ATP10D: variants seen among roughly 807,000 people sequenced by gnomAD.
The protein encoded by ATP10D is phospholipid-transporting ATPase VD.
ATP10D carries 89 observed loss-of-function variants against 144.8 expected under a neutral mutation model. The ratio of observed to expected loss-of-function variants is 0.61; its 90% confidence interval spans 0.52 to 0.73. The LOEUF (loss-of-function observed/expected upper bound fraction) is 0.73. Among genes scored for constraint, ATP10D ranks in the 30% least tolerant of loss-of-function variants. The probability of loss-of-function intolerance (pLI) is 0.00; values close to 1 mark genes in which losing one functional copy is unlikely to be tolerated. For synonymous variants in ATP10D, 571 were observed against 615.1 expected (o/e 0.93, Z 1.06); for missense variants, 1,603 against 1,714.8 (o/e 0.93, Z 1.15).
At chr4:47,513,956 C>G (rs934742023) in intron 2 of ATP10D, among the ~76,000 whole-genome samples, 2 of 152,124 alleles carry the variant, frequency 1.3e-5, no homozygotes, top group African/African-American at 2.4e-5. Flanking sequence ...AGGGTGATCT[C>G]TTACAGATAC....
intron 20 of ATP10D, 64 bp from the exon 21 acceptor site, chr4:47,581,896 A>C: frequency 7.7e-7 from 1 of 1,300,540 alleles, no homozygotes; most frequent in Non-Finnish European, 1.1e-6. Flanking sequence ...GCTGTAGATA[A>C]AGTGATGTTA....
chr4:47,514,983 T>G (rs1005308541), intron 2 of ATP10D, among the ~76,000 whole-genome samples: 30 of 152,216 alleles, frequency 2.0e-4, no homozygotes, highest in African/African-American at 4.6e-4. Context: ...ATTATTTATT[T>G]ATTGATTGAT....
chr4:47,491,780 T>C (rs889045357), intron 1 of ATP10D, among the ~76,000 whole-genome samples: 23 of 152,210 alleles, frequency 1.5e-4, no homozygotes, highest in African/African-American at 5.5e-4. Context: ...CAGGCTCACT[T>C]ATAATACCTT....
At chr4:47,505,891 T>C (rs746551139) in intron 1 of ATP10D, among the ~76,000 whole-genome samples, 1 of 152,182 alleles carries the variant, frequency 6.6e-6, no homozygotes, top group African/African-American at 2.4e-5. Context: ...TTCAAACTGT[T>C]GGCTGGTGAT....
At chr4:47,570,539 C>A (rs1719896933) in intron 16 of ATP10D, among the ~76,000 whole-genome samples, 1 of 152,138 alleles carries the variant, frequency 6.6e-6, no homozygotes, top group Admixed American at 6.5e-5. Context: ...TACAGTGGCT[C>A]ACGCCTGTAA....
In ATP10D at chr4:47,593,072, C is replaced by T. The variant is rs1458052993; in HGVS notation, c.*1691C>T. On this transcript the variant is annotated 3_prime_UTR_variant, in exon 23 of 23. Transcript: ENST00000273859. ...GCTGGCATTCATTCCCTGAAATCGTCGTCTCCTGATAAACAATAATTTAGA... is the reference window on the plus strand; with the variant it reads ...GCTGGCATTCATTCCCTGAAATCGTTGTCTCCTGATAAACAATAATTTAGA... The T allele has an allele frequency of 5.3e-5, 8 of 152,064 alleles. No individual in the cohort carries two copies. Among genetic ancestry groups the T allele is most frequent in the African/African-American group, 1.9e-4 (8 of 41,504 alleles). The allele number at this position is 152,064 out of a possible 1,614,324, so 9.4% of individuals were successfully genotyped here.
chr4:47,561,045 A>G lies in ATP10D; in HGVS notation c.2638A>G (p.Met880Val). ...GGAAGAATTACTACTTGAATCTGCC[A>G]TGAGGTTGGAGAACAAACTTACATT... The part of the protein sequence containing the change: ...NREELLLESA[M>V]RLENKLTLLG... Residue 880 changes from methionine to valine, a missense_variant, in exon 14 of 23, where the codon ATG (methionine) becomes GTG (valine). Met to Val is a conservative substitution (Grantham distance 21). Coordinates refer to ENST00000273859, the MANE Select transcript of ATP10D (RefSeq NM_020453.4). 1 of 1,614,224 alleles carries G rather than the reference A, an allele frequency of 6.2e-7. No homozygotes were observed. The highest frequency in any genetic ancestry group is 1.3e-5 in the African/African-American group (1 of 75,070).
At chr4:47,536,261 A>G (rs1310721558) in intron 7 of ATP10D, among the ~76,000 whole-genome samples, 176 bp from the exon 8 acceptor site, 3 of 150,098 alleles carry the variant, frequency 2.0e-5, no homozygotes, top group African/African-American at 7.3e-5. Flanking sequence ...GACTTAAAGA[A>G]AGAGAGAGAG....
chr4:47,582,406 T>C (rs1233369244), intron 21 of ATP10D, among the ~76,000 whole-genome samples: 1 of 152,228 alleles, frequency 6.6e-6, no homozygotes, highest in Non-Finnish European at 1.5e-5. Context: ...ATCATAATCC[T>C]GGTACAGTGA....
At position 47,485,470 on chromosome 4, in the gene ATP10D, C is replaced by T. The variant is rs1031836009; in HGVS notation, c.-87C>T. The T allele has an allele frequency of 2.0e-5, 3 of 151,642 alleles. No homozygotes were observed. The highest frequency in any genetic ancestry group is 7.3e-5 in the African/African-American group (3 of 41,280). The allele number at this position is 151,642 out of a possible 1,614,324, so 9.4% of individuals were successfully genotyped here. ...ATTTGTGCTTAGCTCTTTTCTTGTA[C>T]CTTGCGACTCGTGACCAACATGCTG... is the stretch of plus-strand genomic sequence containing the variant. On this transcript the variant is annotated 5_prime_UTR_variant, in exon 1 of 23. Coordinates refer to ENST00000273859, the MANE Select transcript of ATP10D (RefSeq NM_020453.4).
intron 1 of ATP10D, among the ~76,000 whole-genome samples, chr4:47,502,482 A>T (rs1483693230): frequency 6.6e-6 from 1 of 151,450 alleles, no homozygotes. Flanking sequence ...AAAAAAAAAA[A>T]AATCTGAAGT....
intron 15 of ATP10D, among the ~76,000 whole-genome samples, chr4:47,566,741 C>T (rs1408749914): frequency 1.3e-5 from 2 of 152,166 alleles, no homozygotes; most frequent in Non-Finnish European, 2.9e-5. Context: ...AGAGGAGATA[C>T]AAAGTTAGCT....
intron 1 of ATP10D, among the ~76,000 whole-genome samples, chr4:47,502,340 G>A (rs186319699): frequency 3.0e-4 from 46 of 152,048 alleles, no homozygotes; most frequent in Admixed American, 1.8e-3. Context: ...GCGTGGTGGC[G>A]GGCGCCTGTA....
At chr4:47,503,031 A>G (rs115225153) in intron 1 of ATP10D, among the ~76,000 whole-genome samples, 13,825 of 151,972 alleles carry the variant, frequency 0.091, 844 homozygotes, top group South Asian at 0.2. Context: ...ATGAAAACCC[A>G]TCTCTACTAA....
At chr4:47,510,444 A>G (rs1414767781) in intron 1 of ATP10D, among the ~76,000 whole-genome samples, 1 of 152,200 alleles carries the variant, frequency 6.6e-6, no homozygotes, top group Admixed American at 6.5e-5. Context: ...AGAGAATCTC[A>G]TGTACATTTA....
At chr4:47,550,921 G>C (rs1577675217) in intron 10 of ATP10D, among the ~76,000 whole-genome samples, 1 of 152,242 alleles carries the variant, frequency 6.6e-6, no homozygotes, top group Admixed American at 6.5e-5. Context: ...CCAGAAGAGT[G>C]CAGTTGCAAG....
chr4:47,550,373 G>A (rs1718673106), intron 10 of ATP10D, among the ~76,000 whole-genome samples: 1 of 152,176 alleles, frequency 6.6e-6, no homozygotes, highest in African/African-American at 2.4e-5. Flanking sequence ...AGAGGGCAAA[G>A]GGAGTTTTGG....
At chr4:47,549,140 C>A (rs909697377) in intron 10 of ATP10D, among the ~76,000 whole-genome samples, 1 of 152,230 alleles carries the variant, frequency 6.6e-6, no homozygotes, top group Admixed American at 6.5e-5. Context: ...AAATAGAAAC[C>A]TCTGCTTTGT....
rs1303213372 is a variant in ATP10D at position 47,537,619 on chromosome 4, AT to A, written c.1396+685del. 2.6e-5 allele frequency among the ~76,000 whole-genome samples: 4 copies of A among 152,040 alleles called. No homozygotes were observed. The East Asian group carries it at 7.7e-4, about 29-fold the overall frequency. ...TCTATATGTGAACATATATTTACACATTTTCCCTTTTATGAGTTAGAACATG... is the reference window on the plus strand; with the variant it reads ...TCTATATGTGAACATATATTTACACATTTCCCTTTTATGAGTTAGAACATG... On this transcript the variant is annotated intron_variant, in intron 9 of 22. Coordinates refer to ENST00000273859, the MANE Select transcript of ATP10D (RefSeq NM_020453.4).
Sources: gnomAD v4.1 joint callset for allele counts (sites outside exome capture counted in the v4.1 genomes callset) on GRCh38, gnomAD v4.1.1 for gene constraint, MANE v1.5 for transcripts, NCBI Gene and HGNC (gene_info 2026-07-23, HGNC 2026-07-21) for gene names.